The following TPD52 variants were observed in gnomAD, a reference collection of about 807,000 sequenced individuals.
TPD52 encodes tumor protein D52, also known as prostate and colon associated protein.
Under a neutral mutation model 31.3 loss-of-function variants are expected in TPD52, and 17 were observed. The observed-to-expected ratio is 0.54, with a 90% CI of 0.37 to 0.82. The LOEUF is 0.82. Ranked by LOEUF, TPD52 falls within the 40% of genes least tolerant of loss-of-function variation. The pLI is 0.00. For synonymous variants in TPD52, 83 were observed against 89.6 expected, an observed-to-expected ratio of 0.93 and a Z score of 0.42; for missense variants, 212 against 240.1, an observed-to-expected ratio of 0.88 and a Z score of 0.77.
chr8:80,097,787 C>T (rs1806440963), intron 1 of TPD52, among the ~76,000 whole-genome samples: 1 of 152,182 alleles, frequency 6.6e-6, no homozygotes, highest in African/African-American at 2.4e-5. Flanking sequence ...AACAGATTGT[C>T]TATGTAAATG....
At chr8:80,141,933 A>T (rs1002518605) in intron 1 of TPD52, among the ~76,000 whole-genome samples, 4 of 56,384 alleles carry the variant, frequency 7.1e-5, no homozygotes, top group Admixed American at 4.2e-4. Flanking sequence ...AAATAAAAAT[A>T]AAAAAATATT....
intron 1 of TPD52, among the ~76,000 whole-genome samples, chr8:80,069,283 G>A (rs1813494566): frequency 6.6e-6 from 1 of 152,060 alleles, no homozygotes; most frequent in East Asian, 1.9e-4. Context: ...AGGCAACAAA[G>A]TGAGATCCTG....
At chr8:80,085,900 G>T (rs535322722) in intron 1 of TPD52, among the ~76,000 whole-genome samples, 1 of 152,196 alleles carries the variant, frequency 6.6e-6, no homozygotes, top group South Asian at 2.1e-4. Context: ...ATCAAGTGTA[G>T]TAACAGTATA....
intron 2 of TPD52, among the ~76,000 whole-genome samples, chr8:80,062,847 G>T (rs1812694418): frequency 6.6e-6 from 1 of 151,894 alleles, no homozygotes; most frequent in South Asian, 2.1e-4. Context: ...CATGTACCTG[G>T]AGTCCCAGCT....
chr8:80,171,336 G>C (rs1461329442), intron 1 of TPD52, 89 bp downstream of exon 1: 29 of 1,547,260 alleles, frequency 1.9e-5, no homozygotes, highest in Non-Finnish European at 2.4e-5. Context: ...TCGAGCCGCC[G>C]GGCCGCGCTC....
At chr8:80,062,947 A>G (rs1812704067) in intron 2 of TPD52, among the ~76,000 whole-genome samples, 2 of 152,076 alleles carry the variant, frequency 1.3e-5, no homozygotes, top group Admixed American at 6.5e-5. Flanking sequence ...TCACCAACCC[A>G]CAAAATAGAG....
rs535057877 is a variant in TPD52, at chr8:80,066,151, CACT to C, written c.20-1561_20-1559del. On this transcript the variant is annotated intron_variant, in intron 1 of 7. Coordinates refer to ENST00000518937, the MANE Select transcript of TPD52 (RefSeq NM_001025253.3). ...GAAGAAAAAGGAAGGAGAATAACCACACTGTGGAACAAGCAGCCAGCGTCGCAG... is the reference window on the plus strand; with the variant it reads ...GAAGAAAAAGGAAGGAGAATAACCACGTGGAACAAGCAGCCAGCGTCGCAG... Among the ~76,000 whole-genome samples, 8 of 152,180 alleles carry C rather than the reference CACT, an allele frequency of 5.3e-5. No homozygotes were observed. The South Asian group carries it at 1.7e-3, about 32-fold the overall frequency.
intron 1 of TPD52, among the ~76,000 whole-genome samples, chr8:80,169,738 C>T (rs576301314): frequency 3.3e-5 from 5 of 152,318 alleles, no homozygotes; most frequent in African/African-American, 4.8e-5. Flanking sequence ...CGTCCTGCGT[C>T]GCCCCCATTG....
At chr8:80,045,077 A>C (rs1162697165) in intron 5 of TPD52, among the ~76,000 whole-genome samples, 1 of 152,208 alleles carries the variant, frequency 6.6e-6, no homozygotes, top group Non-Finnish European at 1.5e-5. Context: ...TTATCAATGA[A>C]ATATTTAAAC....
intron 1 of TPD52, among the ~76,000 whole-genome samples, chr8:80,163,694 A>T (rs901891522): frequency 1.3e-5 from 2 of 152,188 alleles, no homozygotes; most frequent in Admixed American, 1.3e-4. Context: ...AGGCATCGAA[A>T]AGCTTACATA....
chr8:80,091,828 T>C (rs74326509), intron 1 of TPD52, among the ~76,000 whole-genome samples: 2,332 of 152,338 alleles, frequency 0.015, 66 homozygotes, highest in African/African-American at 0.053. Context: ...CCCAAGACTC[T>C]TGCTTTCTGG....
chr8:80,038,257 G>A lies in TPD52; in HGVS notation c.505-22C>T, dbSNP rs775299372. 3.9e-5 allele frequency: 63 copies of A among 1,611,494 alleles called. No homozygotes were observed. The African/African-American group carries it at 8.0e-4, about 21-fold the overall frequency. On this transcript the variant is annotated intron_variant, in intron 7 of 7. Coordinates refer to ENST00000518937, the MANE Select transcript of TPD52 (RefSeq NM_001025253.3). ...TAGACTTAAAAAAAAGTTCAAAAAA[G>A]GGAAAGACATTATGAAACATAAAAC... is the stretch of plus-strand genomic sequence containing the variant.
intron 1 of TPD52, among the ~76,000 whole-genome samples, chr8:80,157,913 C>A (rs75262202): frequency 0.023 from 3,501 of 152,284 alleles, 137 homozygotes; most frequent in African/African-American, 0.08. Flanking sequence ...TTAAAAGCAT[C>A]TTAACTAAAA....
chr8:80,113,186 C>A (rs1807619528), intron 1 of TPD52, among the ~76,000 whole-genome samples: 1 of 151,694 alleles, frequency 6.6e-6, no homozygotes, highest in African/African-American at 2.4e-5. Flanking sequence ...TTTCACTAAA[C>A]CCTACCTTGA....
intron 1 of TPD52, among the ~76,000 whole-genome samples, chr8:80,112,864 G>A (rs572942514): frequency 1.5e-4 from 23 of 152,192 alleles, no homozygotes; most frequent in Non-Finnish European, 1.9e-4. Context: ...TCAGATTTCC[G>A]ATTTTTTCAG....
intron 1 of TPD52, among the ~76,000 whole-genome samples, chr8:80,077,756 T>C (rs897334222): frequency 2.0e-5 from 3 of 152,212 alleles, no homozygotes; most frequent in Non-Finnish European, 2.9e-5. Context: ...CATTCATTCA[T>C]GCATTCCACA....
intron 4 of TPD52, 67 bp from the exon 5 acceptor site, chr8:80,050,538 C>G: frequency 6.7e-7 from 1 of 1,491,484 alleles, no homozygotes; most frequent in Non-Finnish European, 9.1e-7. Context: ...AATTAAATAA[C>G]CTAAGTTTTA....
rs1036812644 is a variant in TPD52 at position 80,171,501 on chromosome 8, C to A, written c.-58G>T. The A allele has an allele frequency of 6.6e-7, 1 of 1,520,082 alleles. No individual in the cohort carries two copies. The highest frequency in any genetic ancestry group is 1.4e-5 in the African/African-American group (1 of 68,966). 94.2% of individuals were successfully genotyped at this position (1,520,082 alleles called of 1,614,324 possible). The stretch of plus-strand genomic sequence containing the variant: ...CACCCCCGCCTGCAGCCCGTCCCGG[C>A]TCGGATCGCCCGCCGCGCCGCGCAG... On this transcript the variant is annotated 5_prime_UTR_variant, in exon 1 of 8. Coordinates refer to ENST00000518937, the MANE Select transcript of TPD52 (RefSeq NM_001025253.3).
chr8:80,077,101 C>G (rs1814653343), intron 1 of TPD52, among the ~76,000 whole-genome samples: 1 of 151,908 alleles, frequency 6.6e-6, no homozygotes, highest in Admixed American at 6.5e-5. Flanking sequence ...ATGGTGAAAC[C>G]CCGTCTCTAC....
Sources: allele counts gnomAD v4.1 joint callset (sites outside exome capture counted in the v4.1 genomes callset), GRCh38; gene constraint gnomAD v4.1.1; transcripts MANE v1.5; gene names NCBI Gene and HGNC (gene_info 2026-07-23, HGNC 2026-07-21).